The following CBFA2T3 variants were observed in gnomAD, a reference collection of about 807,000 sequenced individuals.
CBFA2T3 encodes the protein transcriptional corepressor CBFA2T3.
In CBFA2T3, 31 loss-of-function variants were observed where a neutral mutation model predicts 58.6. The observed-to-expected ratio is 0.53, with a 90% CI of 0.40 to 0.71. The LOEUF is 0.71. Among genes scored for constraint, CBFA2T3 ranks in the 30% least tolerant of loss-of-function variants. CBFA2T3 has a pLI of 0.00. For missense variants in CBFA2T3, 1,076 were observed against 963.1 expected, an observed-to-expected ratio of 1.12 and a Z score of -1.55; for synonymous variants, 531 against 421.9, an observed-to-expected ratio of 1.26 and a Z score of -3.17.
intron 1 of CBFA2T3, among the ~76,000 whole-genome samples, chr16:88,970,880 GT>G (rs1436086455): frequency 1.3e-5 from 2 of 152,198 alleles, no homozygotes; most frequent in Non-Finnish European, 2.9e-5. Context: ...GGGGCAGCTG[GT>G]TTTTCTCATG....
intron 1 of CBFA2T3, among the ~76,000 whole-genome samples, chr16:88,971,660 G>A (rs916501988): frequency 2.0e-4 from 30 of 152,258 alleles, no homozygotes; most frequent in African/African-American, 7.2e-4. Flanking sequence ...CGACCTGAGT[G>A]ACCCAGTCCA....
intron 1 of CBFA2T3, among the ~76,000 whole-genome samples, chr16:88,970,305 G>C (rs12709106): frequency 6.6e-6 from 1 of 152,000 alleles, no homozygotes; most frequent in Non-Finnish European, 1.5e-5. Flanking sequence ...GGCTTCCTCA[G>C]GTGAAGCAAG....
chr16:88,879,811 G>A, intron 10 of CBFA2T3: 1 of 250,376 alleles, frequency 4.0e-6, no homozygotes, highest in Non-Finnish European at 7.7e-6. Context: ...GCAGGGCAAG[G>A]GCGAGGCCCA....
At chr16:88,901,359 C>T (rs1394186321) in intron 2 of CBFA2T3, 145 bp downstream of exon 2, 3 of 509,584 alleles carry the variant, frequency 5.9e-6, no homozygotes, top group African/African-American at 2.0e-5. Context: ...CCGGCCAAGC[C>T]TGGGCTCTGG....
At chr16:88,920,363 G>T (rs1970871671) in intron 1 of CBFA2T3, among the ~76,000 whole-genome samples, 1 of 152,060 alleles carries the variant, frequency 6.6e-6, no homozygotes, top group Non-Finnish European at 1.5e-5. Context: ...TGCAACCTCT[G>T]CCTCTCAGGT....
intron 1 of CBFA2T3, among the ~76,000 whole-genome samples, chr16:88,951,684 C>T (rs1055147207): frequency 6.6e-6 from 1 of 151,912 alleles, no homozygotes; most frequent in African/African-American, 2.4e-5. Context: ...GCGGCCCCAG[C>T]GATTGGTCCA....
chr16:88,884,965 C>T, intron 7 of CBFA2T3, 81 bp downstream of exon 7: 6 of 1,089,272 alleles, frequency 5.5e-6, no homozygotes, highest in South Asian at 1.5e-5. Flanking sequence ...GTGCCCTGTG[C>T]CCACATGCTC....
intron 1 of CBFA2T3, among the ~76,000 whole-genome samples, chr16:88,903,400 G>A (rs912827830): frequency 1.3e-5 from 2 of 152,158 alleles, no homozygotes; most frequent in African/African-American, 2.4e-5. Flanking sequence ...GGAGTGGTGG[G>A]GGGAGGAAGC....
At chr16:88,955,043 T>A (rs1398474308) in intron 1 of CBFA2T3, among the ~76,000 whole-genome samples, 1 of 26,674 alleles carries the variant, frequency 3.7e-5, no homozygotes, top group Non-Finnish European at 6.6e-5. Context: ...GCTCCTGACC[T>A]CAGCCAAGGC....
chr16:88,957,688 TAAG>T (rs1439530426), intron 1 of CBFA2T3: 1 of 151,986 alleles, frequency 6.6e-6, no homozygotes, highest in Non-Finnish European at 1.5e-5. Flanking sequence ...TATTCAGACA[TAAG>T]AAGGAAGGCA....
At chr16:88,917,023 G>A (rs1262764371) in intron 1 of CBFA2T3, among the ~76,000 whole-genome samples, 2 of 149,392 alleles carry the variant, frequency 1.3e-5, no homozygotes, top group African/African-American at 5.0e-5. Flanking sequence ...GTAGTGGGCT[G>A]AGATCCCACC....
At chr16:88,908,328 C>T (rs566168682) in intron 1 of CBFA2T3, among the ~76,000 whole-genome samples, 66 of 148,488 alleles carry the variant, frequency 4.4e-4, no homozygotes, top group Non-Finnish European at 7.7e-4. Flanking sequence ...GACAACGGAG[C>T]GAGACTCTGT....
rs745881689 is a variant in CBFA2T3, at chr16:88,885,187, G to A, written c.976C>T (p.Arg326Cys). The change falls in exon 7 of 12, where the codon CGC (arginine) becomes TGC (cysteine). Residue 326 changes from arginine to cysteine, a missense_variant. Physicochemically the swap from Arg to Cys is radical, Grantham distance 180. Coordinates refer to ENST00000268679, the MANE Select transcript of CBFA2T3 (RefSeq NM_005187.6). The surrounding 1 kb of genome is among the most constrained non-coding windows in gnomAD (Gnocchi z 5.3). The stretch of plus-strand genomic sequence containing the variant: ...GGTGGCCCGTTGCTGGGGCTGTAGC[G>A]CTGGGCAGGGTTCAGGGTGCATGGC... ...KRPCTLNPAQ[R>C]YSPSNGPPQP... The A allele has an allele frequency of 1.5e-5, 24 of 1,603,848 alleles. No homozygotes were observed. The highest frequency in any genetic ancestry group is 8.8e-5 in the South Asian group (8 of 90,600).
chr16:88,921,767 G>A lies in CBFA2T3; in HGVS notation c.152-20111C>T, dbSNP rs527458048. On this transcript the variant is annotated intron_variant, in intron 1 of 11. Coordinates refer to ENST00000268679, the MANE Select transcript of CBFA2T3 (RefSeq NM_005187.6). Reference sequence around the variant, plus strand: ...ACATCCGCGGTGCCGGGGGACTTGCGGCTGCAGCTCCCTCATTTGAAGTTG... The same window carrying A: ...ACATCCGCGGTGCCGGGGGACTTGCAGCTGCAGCTCCCTCATTTGAAGTTG... Among the ~76,000 whole-genome samples, 10 of 152,358 alleles carry A rather than the reference G, an allele frequency of 6.6e-5. No individual in the cohort carries two copies. In the South Asian group the frequency reaches 2.1e-3, roughly 32 times the overall value.
chr16:88,950,908 G>A (rs1255743480), intron 1 of CBFA2T3: 1 of 377,280 alleles, frequency 2.7e-6, no homozygotes, highest in Non-Finnish European at 5.1e-6. Flanking sequence ...GAGGGTCAGA[G>A]TGTTGGCACC....
chr16:88,944,485 G>A (rs945761750), intron 1 of CBFA2T3, among the ~76,000 whole-genome samples: 3 of 152,062 alleles, frequency 2.0e-5, no homozygotes, highest in Admixed American at 6.5e-5. Context: ...TCTAGGGCCC[G>A]CGGCGCACAG....
chr16:88,976,664 G>C lies in CBFA2T3; in HGVS notation c.144C>G (p.Gly48=). ...TCCCCTCGAGCCTCTTACCTGGGCC[G>C]CCCTTCCTGGGACCCCGGGGTGCGG... The part of the protein sequence containing the change: ...GCSAPRGPRK[G]GPAPVDRKAK... The change falls in exon 1 of 12, where the codon GGC becomes GGG. Residue 48 remains glycine (G), a synonymous_variant. Coordinates refer to ENST00000268679, the MANE Select transcript of CBFA2T3 (RefSeq NM_005187.6). The C allele has an allele frequency of 1.3e-6, 2 of 1,561,006 alleles. No homozygotes were observed. Among genetic ancestry groups the C allele is most frequent in the South Asian group, 1.2e-5 (1 of 85,060 alleles).
chr16:88,962,371 G>A (rs927725583), intron 1 of CBFA2T3, among the ~76,000 whole-genome samples: 2 of 152,252 alleles, frequency 1.3e-5, no homozygotes, highest in African/African-American at 4.8e-5. Flanking sequence ...CAAATAACAT[G>A]AGACGCCATG....
Position 88,943,031 on chromosome 16 carries a change from GGCACAGTGGATT to G in CBFA2T3, c.151+33614_151+33625del, listed in dbSNP as rs368402622. ...GGCTCCCTGGCTTCATGGACTCTGA[GGCACAGTGGATT>G]TTAAGATGCACCATTATTTTGTGTG... On this transcript the variant is annotated intron_variant, in intron 1 of 11. Coordinates refer to ENST00000268679, the MANE Select transcript of CBFA2T3 (RefSeq NM_005187.6). Among the ~76,000 whole-genome samples the G allele has an allele frequency of 4.3e-3, 656 of 152,314 alleles. 4 individuals carry two copies. Among genetic ancestry groups the G allele is most frequent in the African/African-American group, 0.015 (630 of 41,562 alleles).
Sources: gnomAD v4.1 joint callset for allele counts (sites outside exome capture counted in the v4.1 genomes callset) on GRCh38, gnomAD v4.1.1 for gene constraint, Gnocchi (gnomAD v3.1) non-coding constraint, MANE v1.5 for transcripts, NCBI Gene and HGNC (gene_info 2026-07-23, HGNC 2026-07-21) for gene names.